The following NF1 variants were observed in gnomAD, a reference collection of about 807,000 sequenced individuals.
The protein encoded by NF1 is neurofibromin.
Under a neutral mutation model 325.7 loss-of-function variants are expected in NF1, and 122 were observed. The ratio of observed to expected loss-of-function variants is 0.37; its 90% confidence interval spans 0.32 to 0.44. NF1 has a LOEUF of 0.44. NF1 is among the 20% of genes least tolerant of loss of function. The probability of loss-of-function intolerance (pLI) is 1.00; values close to 1 mark genes in which losing one functional copy is unlikely to be tolerated. For synonymous variants in NF1, 1,091 were observed against 1,186.0 expected, an observed-to-expected ratio of 0.92 and a Z score of 1.65; for missense variants, 2,140 against 3,415.4, an observed-to-expected ratio of 0.63 and a Z score of 9.31.
In NF1 at chr17:31,279,649, AAGAC is replaced by A. The variant is rs1341354801; in HGVS notation, c.4835+14313_4835+14316del. Among the ~76,000 whole-genome samples the A allele has an allele frequency of 2.6e-5, 4 of 152,212 alleles. No homozygotes were observed. The East Asian group carries it at 5.8e-4, about 22-fold the overall frequency. ...GTTTTGTGAACAATGGATATGCAAA[AAGAC>A]AGGCCATTGTTATGAGAGGCCTAAT... is the stretch of plus-strand genomic sequence containing the variant. On this transcript the variant is annotated intron_variant, in intron 36 of 57. Transcript: ENST00000358273.
chr17:31,358,405 A>G (rs565848135), intron 54 of NF1, 75 bp from the exon 55 acceptor site: 1 of 1,422,590 alleles, frequency 7.0e-7, no homozygotes, highest in East Asian at 2.4e-5. Context: ...GGGAATGTAT[A>G]TTATGTTTTC....
chr17:31,199,660 A>AT (rs1436339665), intron 8 of NF1, among the ~76,000 whole-genome samples: 3 of 152,130 alleles, frequency 2.0e-5, no homozygotes, highest in East Asian at 3.9e-4. Flanking sequence ...AGAATAGGTA[A>AT]TTTTTTTTGA....
intron 36 of NF1, among the ~76,000 whole-genome samples, chr17:31,297,846 G>A (rs1340487282): frequency 2.6e-5 from 4 of 152,012 alleles, no homozygotes; most frequent in African/African-American, 4.8e-5. Flanking sequence ...ACTGAAATAC[G>A]ATTATTTTTT....
chr17:31,337,671 G>A (rs1459959322), intron 43 of NF1, 89 bp downstream of exon 43: 3 of 1,435,942 alleles, frequency 2.1e-6, no homozygotes, highest in East Asian at 4.9e-5. Context: ...GGTTTATTGT[G>A]CTATTTTGTA....
At chr17:31,217,939 C>T (rs1207924390) in intron 13 of NF1, among the ~76,000 whole-genome samples, 3 of 116,730 alleles carry the variant, frequency 2.6e-5, no homozygotes, top group Non-Finnish European at 5.4e-5. Context: ...CACTCCGTTT[C>T]AAAAAAAAAA....
Position 31,223,457 on chromosome 17 carries a change from T to C in NF1, c.1735T>C (p.Phe579Leu), listed in dbSNP as rs2066962078. ...TFWEISSQML[F>L]YICKKLTSHQ... ...ATGTTACTGCAGCTCACAAATGCTT[T>C]TTTACATCTGCAAGAAATTAACTAG... is the stretch of plus-strand genomic sequence containing the variant. The change falls in exon 16 of 58, where the codon TTT (phenylalanine) becomes CTT (leucine). Residue 579 changes from phenylalanine to leucine, a missense_variant. Physicochemically the swap from Phe to Leu is conservative, Grantham distance 22. Transcript: ENST00000358273. 6.2e-7 allele frequency: 1 copy of C among 1,612,518 alleles called. No individual in the cohort carries two copies. The highest frequency in any genetic ancestry group is 8.5e-7 in the Non-Finnish European group (1 of 1,179,148).
At chr17:31,135,612 A>T (rs890365959) in intron 1 of NF1, among the ~76,000 whole-genome samples, 1 of 151,980 alleles carries the variant, frequency 6.6e-6, no homozygotes, top group Non-Finnish European at 1.5e-5. Flanking sequence ...TGTTGCCCTA[A>T]CTTGAGTCCA....
rs181932169 is a variant in NF1 at position 31,294,720 on chromosome 17, A to G, written c.4835+29381A>G. On this transcript the variant is annotated intron_variant, in intron 36 of 57. Transcript: ENST00000358273. ...ACATAAAATACATATTAAAGTTTAG[A>G]TGCTTTATATTTTGTGCAATAAATT... The G allele has an allele frequency of 2.7e-5, 12 of 445,106 alleles. No individual in the cohort carries two copies. The East Asian group carries it at 5.5e-4, about 20-fold the overall frequency. The allele number at this position is 445,106 out of a possible 1,614,324, so 27.6% of individuals were successfully genotyped here. A position where few individuals can be genotyped will look rare whatever the true frequency, so the allele number is the denominator to read the frequency against.
At chr17:31,150,671 T>C in intron 1 of NF1, among the ~76,000 whole-genome samples, 1 of 152,166 alleles carries the variant, frequency 6.6e-6, no homozygotes, top group East Asian at 1.9e-4. Flanking sequence ...TATTATCAAG[T>C]ACATAAAGCA....
intron 8 of NF1, among the ~76,000 whole-genome samples, chr17:31,184,624 T>C (rs1278818074): frequency 1.4e-5 from 2 of 141,478 alleles, no homozygotes; most frequent in Non-Finnish European, 3.0e-5. Context: ...CACTCCAGCC[T>C]GGGCGACAGC....
At chr17:31,253,772 A>C (rs1294871503) in intron 31 of NF1, 1 of 152,258 alleles carries the variant, frequency 6.6e-6, no homozygotes, top group Non-Finnish European at 1.5e-5. Context: ...TCCAAAATAT[A>C]ATATGCATTC....
chr17:31,178,643 G>A (rs1267905280), intron 5 of NF1, among the ~76,000 whole-genome samples: 1 of 152,042 alleles, frequency 6.6e-6, no homozygotes, highest in Admixed American at 6.5e-5. Context: ...TTACACATAG[G>A]CTCAAAATAA....
intron 4 of NF1, among the ~76,000 whole-genome samples, chr17:31,164,894 A>G (rs1331643798): frequency 6.6e-6 from 1 of 152,230 alleles, no homozygotes; most frequent in Non-Finnish European, 1.5e-5. Context: ...TCTTTTGAGC[A>G]GTAACGTTTT....
At chr17:31,356,884 T>C in intron 52 of NF1, 76 bp from the exon 53 acceptor site, 1 of 1,584,356 alleles carries the variant, frequency 6.3e-7, no homozygotes, top group East Asian at 2.2e-5. Context: ...TGTTGAATTT[T>C]AGAAGTAACA....
intron 9 of NF1, 141 bp downstream of exon 9, chr17:31,200,736 T>TA: frequency 3.9e-6 from 4 of 1,017,744 alleles, no homozygotes; most frequent in Non-Finnish European, 6.0e-6. Context: ...CTTTTGTTGT[T>TA]ACTGTGTTCA....
intron 1 of NF1, among the ~76,000 whole-genome samples, chr17:31,135,287 G>C (rs186693665): frequency 2.6e-4 from 39 of 152,270 alleles, no homozygotes; most frequent in African/African-American, 8.7e-4. Flanking sequence ...TTTGAGTCCT[G>C]TATCATCATG....
In NF1 at chr17:31,375,110, A is replaced by G; in HGVS notation, c.*955A>G. 4.6e-6 allele frequency: 1 copy of G among 215,916 alleles called. No homozygotes were observed. The allele number at this position is 215,916 out of a possible 1,614,324, so 13.4% of individuals were successfully genotyped here. A position where few individuals can be genotyped will look rare whatever the true frequency, so the allele number is the denominator to read the frequency against. On this transcript the variant is annotated 3_prime_UTR_variant, in exon 58 of 58. Coordinates refer to ENST00000358273, the MANE Select transcript of NF1 (RefSeq NM_001042492.3). The stretch of plus-strand genomic sequence containing the variant: ...CAAAGTGTTGAAAATTGTTCCCAGA[A>G]GGTAATTTTCATAGATGTTTGCATT...
Position 31,343,003 on chromosome 17 carries a change from T to C in NF1, c.7063-6T>C, listed in dbSNP as rs780593077. The C allele has an allele frequency of 9.9e-6, 16 of 1,613,990 alleles. No homozygotes were observed. Among genetic ancestry groups the C allele is most frequent in the African/African-American group, 2.7e-5 (2 of 74,928 alleles). ...TCATCAACCATCTCATGATTATCTT[T>C]AATAGAGTCCAGAGGAAGTATTTAT... On this transcript the variant is annotated splice_region_variant and splice_polypyrimidine_tract_variant and intron_variant, in intron 47 of 57. Transcript: ENST00000358273.
At chr17:31,127,456 T>A (rs1662984062) in intron 1 of NF1, among the ~76,000 whole-genome samples, 2 of 152,058 alleles carry the variant, frequency 1.3e-5, no homozygotes, top group South Asian at 4.1e-4. Flanking sequence ...GTTTTATAAT[T>A]TTCTCCTTAT....
Sources: allele counts gnomAD v4.1 joint callset (sites outside exome capture counted in the v4.1 genomes callset), GRCh38; gene constraint gnomAD v4.1.1; transcripts MANE v1.5; gene names NCBI Gene and HGNC (gene_info 2026-07-23, HGNC 2026-07-21).